Variants in CSGALNACT1 observed in about 807,000 individuals in gnomAD.
CSGALNACT1 encodes chondroitin sulfate N-acetylgalactosaminyltransferase 1, also known as beta4GalNAcT-1.
A neutral mutation model predicts 51.0 loss-of-function variants in CSGALNACT1; 52 were observed. The observed-to-expected ratio is 1.02, with a 90% CI of 0.82 to 1.29. The LOEUF (loss-of-function observed/expected upper bound fraction) is 1.29. CSGALNACT1 is among the 50% of genes most tolerant of loss of function. CSGALNACT1 has a pLI of 0.00. For missense variants in CSGALNACT1, 935 were observed against 679.2 expected (o/e 1.38, Z -4.19); for synonymous variants, 341 against 254.4 (o/e 1.34, Z -3.24).
intron 2 of CSGALNACT1, among the ~76,000 whole-genome samples, chr8:19,591,825 G>C (rs557530054): frequency 2.0e-5 from 3 of 152,078 alleles, no homozygotes; most frequent in African/African-American, 7.2e-5. Flanking sequence ...ATTAGTTTTA[G>C]GGAGAAAATG....
intron 6 of CSGALNACT1, among the ~76,000 whole-genome samples, chr8:19,439,101 C>T (rs374936944): frequency 1.8e-4 from 28 of 152,344 alleles, no homozygotes; most frequent in African/African-American, 5.8e-4. Context: ...TACAGGCCAG[C>T]GTGCAGCGCC....
At chr8:19,686,088 A>G (rs2060961128), upstream of CSGALNACT1, among the ~76,000 whole-genome samples, 1 of 152,210 alleles carries the variant, frequency 6.6e-6, no homozygotes, top group Non-Finnish European at 1.5e-5. Flanking sequence ...TCAAGGGCAC[A>G]GTTAATTCTT....
intron 3 of CSGALNACT1, among the ~76,000 whole-genome samples, chr8:19,553,377 C>G (rs1159241985): frequency 6.6e-6 from 1 of 151,694 alleles, no homozygotes; most frequent in Admixed American, 6.6e-5. Context: ...TATGAGTGAA[C>G]CAAAATTTCA....
In CSGALNACT1 at chr8:19,600,260, A is replaced by G. The variant is rs142025153; in HGVS notation, c.-416+1511T>C. 2.1e-3 allele frequency among the ~76,000 whole-genome samples: 327 copies of G among 152,140 alleles called. 3 individuals carry two copies. The highest frequency in any genetic ancestry group is 0.013 in the South Asian group (61 of 4,812). On this transcript the variant is annotated intron_variant, in intron 2 of 9. Coordinates refer to ENST00000454498, the Ensembl canonical transcript of CSGALNACT1. Reference sequence around the variant, plus strand: ...CCATGCCTGGCTAATTTTTATATTTACAGTAGAGATGGGGTTTCACCATAT... The same window carrying G: ...CCATGCCTGGCTAATTTTTATATTTGCAGTAGAGATGGGGTTTCACCATAT...
chr8:19,478,760 A>G (rs1023905282), intron 4 of CSGALNACT1, among the ~76,000 whole-genome samples: 3 of 152,226 alleles, frequency 2.0e-5, no homozygotes, highest in Admixed American at 1.3e-4. Context: ...TTCAGTAAAA[A>G]AGCATTAATG....
rs368679540 is a variant in CSGALNACT1, at chr8:19,569,709, T to C, written c.-297+21451A>G. On this transcript the variant is annotated intron_variant, in intron 3 of 9. Coordinates refer to ENST00000454498, the Ensembl canonical transcript of CSGALNACT1. ...TGTTCTAAAGATAAACCTAGGCCTA[T>C]GCTATGACCCAGTAAGTCAAGAACA... Among the ~76,000 whole-genome samples, 5 of 152,252 alleles carry C rather than the reference T, an allele frequency of 3.3e-5. No homozygotes were observed. In the East Asian group the frequency reaches 9.6e-4, roughly 29 times the overall value.
intron 4 of CSGALNACT1, among the ~76,000 whole-genome samples, chr8:19,485,636 T>C (rs886393050): frequency 3.3e-5 from 5 of 152,040 alleles, no homozygotes; most frequent in African/African-American, 1.2e-4. Context: ...GATTAATCAT[T>C]CCTTCACCCC....
chr8:19,649,631 T>C (rs2154182705), intron 1 of CSGALNACT1, among the ~76,000 whole-genome samples: 1 of 151,730 alleles, frequency 6.6e-6, no homozygotes, highest in Non-Finnish European at 1.5e-5. Context: ...ATACATGCAA[T>C]TTCCAAAATA....
intron 3 of CSGALNACT1, among the ~76,000 whole-genome samples, chr8:19,568,852 G>A (rs188455397): frequency 3.3e-5 from 5 of 152,210 alleles, no homozygotes; most frequent in African/African-American, 1.2e-4. Context: ...CTTTTTATAT[G>A]GGGATATTTA....
intron 4 of CSGALNACT1, among the ~76,000 whole-genome samples, chr8:19,462,113 T>C (rs927807454): frequency 6.6e-6 from 1 of 152,100 alleles, no homozygotes; most frequent in Non-Finnish European, 1.5e-5. Context: ...TCACAGGCGG[T>C]GTATCTGCAA....
chr8:19,752,467 G>A (rs1232563458), intron 1 of CSGALNACT1, among the ~76,000 whole-genome samples: 2 of 152,144 alleles, frequency 1.3e-5, no homozygotes, highest in Admixed American at 6.6e-5. Flanking sequence ...ACTTTAGCAC[G>A]TTTCTAATAT....
At chr8:19,671,219 C>G (rs905332528) in intron 1 of CSGALNACT1, among the ~76,000 whole-genome samples, 1 of 152,172 alleles carries the variant, frequency 6.6e-6, no homozygotes, top group Non-Finnish European at 1.5e-5. Flanking sequence ...CAGCTAAGCA[C>G]AGAACCCATG....
At chr8:19,727,878 C>T (rs1300211205) in intron 1 of CSGALNACT1, among the ~76,000 whole-genome samples, 1 of 152,214 alleles carries the variant, frequency 6.6e-6, no homozygotes, top group Non-Finnish European at 1.5e-5. Context: ...ACCTGGAATG[C>T]TCCCCTCAGA....
At chr8:19,478,287 A>G (rs890972906) in intron 4 of CSGALNACT1, among the ~76,000 whole-genome samples, 2 of 151,814 alleles carry the variant, frequency 1.3e-5, no homozygotes, top group African/African-American at 2.4e-5. Context: ...GGTGGCGGGC[A>G]CCTGTAGTCC....
chr8:19,414,521 C>T (rs2056495505), intron 8 of CSGALNACT1, among the ~76,000 whole-genome samples: 1 of 152,008 alleles, frequency 6.6e-6, no homozygotes, highest in Non-Finnish European at 1.5e-5. Flanking sequence ...GTATAAAATC[C>T]CATAGTTTCA....
At chr8:19,548,021 C>CGATG (rs1169495088) in intron 3 of CSGALNACT1, among the ~76,000 whole-genome samples, 50 of 152,116 alleles carry the variant, frequency 3.3e-4, no homozygotes, top group African/African-American at 1.2e-3. Context: ...GATGTAACAT[C>CGATG]GCTCACATTA....
chr8:19,530,437 AT>A (rs1460374551), intron 3 of CSGALNACT1, among the ~76,000 whole-genome samples: 10 of 152,212 alleles, frequency 6.6e-5, no homozygotes, highest in Admixed American at 5.9e-4. Flanking sequence ...ATTAACATAG[AT>A]GAGTAACAGA....
At chr8:19,614,127 C>A (rs753022003) in intron 1 of CSGALNACT1, among the ~76,000 whole-genome samples, 17 of 152,274 alleles carry the variant, frequency 1.1e-4, no homozygotes, top group Non-Finnish European at 2.2e-4. Context: ...GTGTAATACT[C>A]TTAATGCCCC....
intron 4 of CSGALNACT1, among the ~76,000 whole-genome samples, chr8:19,482,345 T>G (rs1383669855): frequency 6.6e-6 from 1 of 152,212 alleles, no homozygotes; most frequent in African/African-American, 2.4e-5. Flanking sequence ...TGCTGGACAG[T>G]GCCGTTTTAG....
Sources: allele counts gnomAD v4.1 joint callset (sites outside exome capture counted in the v4.1 genomes callset), GRCh38; gene constraint gnomAD v4.1.1; transcripts MANE v1.5; gene names NCBI Gene and HGNC (gene_info 2026-07-23, HGNC 2026-07-21).